The following ABCC6 variants were observed in gnomAD, a reference collection of about 807,000 sequenced individuals.
The protein encoded by ABCC6 is ATP binding cassette subfamily C member 6.
Under a neutral mutation model 169.5 loss-of-function variants are expected in ABCC6, and 126 were observed. The ratio of observed to expected loss-of-function variants is 0.74; its 90% CI spans 0.64 to 0.86. ABCC6 has a LOEUF of 0.86. ABCC6 is among the 40% of genes least tolerant of loss of function. The probability of loss-of-function intolerance (pLI) is 0.00; values close to 1 mark genes in which losing one functional copy is unlikely to be tolerated. For synonymous variants in ABCC6, 752 were observed against 814.7 expected, an observed-to-expected ratio of 0.92 and a Z score of 1.31; for missense variants, 1,733 against 1,927.2, an observed-to-expected ratio of 0.90 and a Z score of 1.89.
In ABCC6 at chr16:16,165,634, C is replaced by A. The variant is rs773773146; in HGVS notation, c.3295G>T (p.Ala1099Ser). The A allele has an allele frequency of 6.8e-6, 11 of 1,613,000 alleles. No homozygotes were observed. Among genetic ancestry groups the A allele is most frequent in the Admixed American group, 1.7e-5 (1 of 59,994 alleles). The change falls in exon 23 of 31, where the codon GCT becomes TCT. Residue 1099 changes from alanine (A) to serine (S), a missense_variant. Physicochemically the swap from Ala to Ser is moderately conservative, Grantham distance 99. This residue lies in a region of ABCC6 where 1,601 missense variants were observed against 1,635.5 expected (regional missense o/e 0.98). Coordinates refer to ENST00000205557, the MANE Select transcript of ABCC6 (RefSeq NM_001171.6). ...TGACCTCTCCGTACCTGAAACCCAG[C>A]GTAGAGGAGAAACAGTGGCAGGATG... ...VAILPLFLLY[A>S]GFQSLYVVSS...
At chr16:16,210,596 T>C (rs973196854) in intron 6 of ABCC6, among the ~76,000 whole-genome samples, 1 of 152,246 alleles carries the variant, frequency 6.6e-6, no homozygotes, top group African/African-American at 2.4e-5. Context: ...GATAGAGAGT[T>C]TCTTTTTAAA....
rs766609974 is a variant in ABCC6 at position 16,150,123 on chromosome 16, G to C, written c.*10C>G. 3.1e-6 allele frequency: 5 copies of C among 1,612,036 alleles called. No individual in the cohort carries two copies. The highest frequency in any genetic ancestry group is 4.2e-6 in the Non-Finnish European group (5 of 1,179,944). Reference sequence around the variant, plus strand: ...GCTGGTCCAACTGGGGTACGGTTGAGGGTCCTGGCTCAGACCAGGCCTGAC... The same window carrying C: ...GCTGGTCCAACTGGGGTACGGTTGACGGTCCTGGCTCAGACCAGGCCTGAC... On this transcript the variant is annotated 3_prime_UTR_variant, in exon 31 of 31. Transcript: ENST00000205557.
intron 22 of ABCC6, among the ~76,000 whole-genome samples, chr16:16,168,029 TGTG>T (rs1379213644): frequency 6.6e-6 from 1 of 152,216 alleles, no homozygotes; most frequent in African/African-American, 2.4e-5. Flanking sequence ...TACATGCAGT[TGTG>T]GTGAGTAGGT....
chr16:16,188,790 G>A (rs577029995), intron 13 of ABCC6, 41 bp downstream of exon 13: 154 of 1,598,962 alleles, frequency 9.6e-5, no homozygotes, highest in African/African-American at 4.0e-4. Context: ...TGTAGCCCAC[G>A]CACTCTCCCA....
intron 10 of ABCC6, among the ~76,000 whole-genome samples, chr16:16,195,952 G>A (rs563993853): frequency 7.2e-5 from 11 of 152,234 alleles, no homozygotes; most frequent in Non-Finnish European, 1.5e-4. Flanking sequence ...GCTCATGCCC[G>A]TAATCCCAGC....
intron 2 of ABCC6, 102 bp downstream of exon 2, chr16:16,221,547 C>A (rs1219495170): frequency 1.9e-6 from 3 of 1,542,040 alleles, no homozygotes; most frequent in Non-Finnish European, 2.6e-6. Flanking sequence ...CCCTTCTACA[C>A]CCCGATAGGA....
At chr16:16,190,399 C>T in intron 11 of ABCC6, 32 bp from the exon 12 acceptor site, 1 of 1,612,506 alleles carries the variant, frequency 6.2e-7, no homozygotes, top group Non-Finnish European at 8.5e-7. Context: ...GAGATGAAGA[C>T]AGGGACAGTT....
Position 16,154,978 on chromosome 16 carries a change from C to T in ABCC6, c.3936G>A (p.Leu1312=), listed in dbSNP as rs749761484. 6.3e-7 allele frequency: 1 copy of T among 1,575,270 alleles called. No homozygotes were observed. The highest frequency in any genetic ancestry group is 1.2e-5 in the South Asian group (1 of 86,008). Residue 1312 remains leucine, a synonymous_variant, in exon 28 of 31, where the codon CTG becomes CTA. Coordinates refer to ENST00000205557, the MANE Select transcript of ABCC6 (RefSeq NM_001171.6). ...CCTCAGCTGCCTCCTGGAGCCGCAG[C>T]AGCCCACTGGCCAGGGAGGACTTCC... The part of the protein sequence containing the change: ...GAGKSSLASG[L]LRLQEAAEGG...
At chr16:16,215,268 G>A (rs1333476449) in intron 4 of ABCC6, among the ~76,000 whole-genome samples, 1 of 151,282 alleles carries the variant, frequency 6.6e-6, no homozygotes, top group East Asian at 1.9e-4. Context: ...CCAAGGCTCA[G>A]AGAAGTGACA....
intron 30 of ABCC6, among the ~76,000 whole-genome samples, 165 bp downstream of exon 30, chr16:16,150,413 G>T (rs1318640173): frequency 6.6e-6 from 1 of 152,210 alleles, no homozygotes; most frequent in Non-Finnish European, 1.5e-5. Flanking sequence ...CATGTCCTTG[G>T]GCAGCTTTCC....
In ABCC6 at chr16:16,188,974, C is replaced by G; in HGVS notation, c.1636G>C (p.Val546Leu). The change falls in exon 13 of 31, where the codon GTC becomes CTC. Residue 546 changes from valine to leucine, a missense_variant and splice_region_variant. By Grantham distance (32) the Val-to-Leu change is conservative. Around this residue, in one of 5 missense-constraint regions of ABCC6, gnomAD observed 1,601 missense variants for 1,635.5 expected, o/e 0.98. Transcript: ENST00000205557. ...TGGACAGCAAACACCACCAGTGCGA[C>G]CTGGGGGGTGGGGGGGACACGTGGG... is the stretch of plus-strand genomic sequence containing the variant. ...LVSFQVSTFL[V>L]ALVVFAVHTL... 1 of 1,613,824 alleles carries G rather than the reference C, an allele frequency of 6.2e-7. No individual in the cohort carries two copies. Among genetic ancestry groups the G allele is most frequent in the South Asian group, 1.1e-5 (1 of 91,076 alleles).
intron 13 of ABCC6, 48 bp downstream of exon 13, chr16:16,188,783 A>C: frequency 6.3e-7 from 1 of 1,591,122 alleles, no homozygotes; most frequent in Non-Finnish European, 8.6e-7. Context: ...AGCCAGGTGT[A>C]GCCCACGCAC....
Position 16,163,615 on chromosome 16 carries a change from G to A in ABCC6, c.3307-423C>T, listed in dbSNP as rs56672286. ...GGTCAGTGGGAGAACAAAACTGTAA[G>A]GGGCAATGAAGGCAGTTGGCCAAGT... On this transcript the variant is annotated intron_variant, in intron 23 of 30. Transcript: ENST00000205557. Among the ~76,000 whole-genome samples, 1,217 of 152,252 alleles carry A rather than the reference G, an allele frequency of 8.0e-3. 12 individuals are homozygous for A. Among genetic ancestry groups the A allele is most frequent in the African/African-American group, 0.025 (1,045 of 41,546 alleles).
intron 25 of ABCC6, among the ~76,000 whole-genome samples, chr16:16,160,403 T>C (rs1376953564): frequency 6.6e-6 from 1 of 152,044 alleles, no homozygotes; most frequent in East Asian, 1.9e-4. Context: ...TTTGGAAGTC[T>C]AAGCAGGAAG....
intron 6 of ABCC6, among the ~76,000 whole-genome samples, chr16:16,209,113 T>G (rs576209580): frequency 1.4e-3 from 214 of 152,282 alleles, no homozygotes; most frequent in African/African-American, 4.9e-3. Context: ...AGATGGAGTC[T>G]TGTTCTGTCT....
At chr16:16,173,187 G>C in intron 21 of ABCC6, 97 bp downstream of exon 21, 1 of 1,554,258 alleles carries the variant, frequency 6.4e-7, no homozygotes, top group Non-Finnish European at 8.8e-7. Context: ...CTCAAGAAAG[G>C]TGAGTATCAC....
intron 19 of ABCC6, among the ~76,000 whole-genome samples, chr16:16,176,309 G>A (rs2047276324): frequency 6.6e-6 from 1 of 152,138 alleles, no homozygotes; most frequent in African/African-American, 2.4e-5. Flanking sequence ...CCTTGTGTCT[G>A]GAATGCTTTT....
At chr16:16,203,302 A>G in intron 8 of ABCC6, 108 bp downstream of exon 8, 1 of 1,545,646 alleles carries the variant, frequency 6.5e-7, no homozygotes, top group Non-Finnish European at 8.9e-7. Flanking sequence ...CAGTGTCCCG[A>G]GCACCAGACG....
intron 4 of ABCC6, among the ~76,000 whole-genome samples, chr16:16,217,754 C>T (rs1032511695): frequency 1.3e-5 from 2 of 152,108 alleles, no homozygotes; most frequent in Admixed American, 6.5e-5. Context: ...TACTGAATAA[C>T]CTGTGGAATT....
Sources: allele counts gnomAD v4.1 joint callset (sites outside exome capture counted in the v4.1 genomes callset), GRCh38; gene constraint gnomAD v4.1.1; regional missense constraint gnomAD v4.1.1; transcripts MANE v1.5; gene names NCBI Gene and HGNC (gene_info 2026-07-23, HGNC 2026-07-21).